Variants in KANSL1L observed in about 807,000 individuals in gnomAD.
The protein encoded by KANSL1L is KAT8 regulatory NSL complex subunit 1 like, also known as KAT8 regulatory NSL complex subunit 1-like protein.
In KANSL1L, 25 loss-of-function variants were observed where a neutral mutation model predicts 108.6. The ratio of observed to expected loss-of-function variants is 0.23; its 90% CI spans 0.17 to 0.32. The LOEUF is 0.32. Ranked by LOEUF, KANSL1L falls within the 10% of genes least tolerant of loss-of-function variation. The pLI, the probability that KANSL1L is intolerant of heterozygous loss-of-function variation, is 1.00. For synonymous variants in KANSL1L, 405 were observed against 395.1 expected (o/e 1.03, Z -0.30); for missense variants, 1,137 against 1,125.7 (o/e 1.01, Z -0.14).
chr2:210,087,033 ATTTTT>A (rs1331094418), intron 5 of KANSL1L, among the ~76,000 whole-genome samples: 6 of 145,510 alleles, frequency 4.1e-5, no homozygotes, highest in South Asian at 2.2e-4. Context: ...TTTTTATTTT[ATTTTT>A]TTTTTTTTGA....
At chr2:210,037,327 A>G (rs2094117177) in intron 8 of KANSL1L, among the ~76,000 whole-genome samples, 2 of 152,188 alleles carry the variant, frequency 1.3e-5, no homozygotes, top group Non-Finnish European at 2.9e-5. Context: ...CATGATACTT[A>G]TCATCATAAT....
intron 5 of KANSL1L, among the ~76,000 whole-genome samples, chr2:210,093,815 G>A (rs2094712953): frequency 6.6e-6 from 1 of 151,952 alleles, no homozygotes; most frequent in Admixed American, 6.6e-5. Context: ...AATAGCCAAG[G>A]GACAGAAGCA....
chr2:210,151,072 AG>A (rs1484153760), intron 2 of KANSL1L, among the ~76,000 whole-genome samples: 1 of 152,032 alleles, frequency 6.6e-6, no homozygotes, highest in East Asian at 1.9e-4. Flanking sequence ...CTGGAGTGCA[AG>A]GGGGTGATAC....
chr2:210,116,105 C>A (rs1369182387), intron 3 of KANSL1L, among the ~76,000 whole-genome samples: 1 of 152,210 alleles, frequency 6.6e-6, no homozygotes, highest in East Asian at 1.9e-4. Context: ...CAAAAGCTGA[C>A]TGAAGAAGCC....
At chr2:210,093,348 G>A (rs374723189) in intron 5 of KANSL1L, among the ~76,000 whole-genome samples, 3 of 152,148 alleles carry the variant, frequency 2.0e-5, no homozygotes, top group African/African-American at 7.2e-5. Context: ...GTTTTGCCAC[G>A]TTGGCCAGGC....
chr2:210,076,731 T>C (rs993319137), intron 5 of KANSL1L, among the ~76,000 whole-genome samples: 1 of 151,714 alleles, frequency 6.6e-6, no homozygotes, highest in Non-Finnish European at 1.5e-5. Flanking sequence ...TATCAGAACA[T>C]CAGGAGGATG....
At chr2:210,098,677 G>A (rs1244582115) in intron 4 of KANSL1L, among the ~76,000 whole-genome samples, 2 of 151,968 alleles carry the variant, frequency 1.3e-5, no homozygotes, top group Non-Finnish European at 2.9e-5. Context: ...GAACAGATGA[G>A]TAAATTCTAG....
At chr2:210,112,580 G>A (rs1264713154) in intron 3 of KANSL1L, among the ~76,000 whole-genome samples, 1 of 152,084 alleles carries the variant, frequency 6.6e-6, no homozygotes, top group African/African-American at 2.4e-5. Context: ...AGACCCAAAT[G>A]TCAAAAACTC....
intron 3 of KANSL1L, among the ~76,000 whole-genome samples, chr2:210,125,482 C>T (rs1233886070): frequency 6.6e-6 from 1 of 152,164 alleles, no homozygotes; most frequent in Non-Finnish European, 1.5e-5. Context: ...CCAGCATTAT[C>T]CTGATGCCAA....
rs916913840 is a variant in KANSL1L, at chr2:210,053,134, T to A, written c.1756-9030A>T. ...GAACTATAGCCATTTAAATGCAATG[T>A]GTATAATGCTTTTATCAGGTAACTT... On this transcript the variant is annotated intron_variant, in intron 6 of 14. Transcript: ENST00000281772. Among the ~76,000 whole-genome samples, 4 of 152,346 alleles carry A rather than the reference T, an allele frequency of 2.6e-5. No individual in the cohort carries two copies. In the Middle Eastern group the frequency reaches 0.014, roughly 518 times the overall value.
intron 6 of KANSL1L, among the ~76,000 whole-genome samples, chr2:210,056,315 A>G (rs2094349926): frequency 1.3e-5 from 2 of 152,216 alleles, no homozygotes; most frequent in South Asian, 4.1e-4. Context: ...CCCGCTGCAA[A>G]TTGCACTGTA....
intron 13 of KANSL1L, 39 bp downstream of exon 13, chr2:210,025,065 A>G (rs760148431): frequency 6.2e-6 from 8 of 1,285,948 alleles, no homozygotes; most frequent in Non-Finnish European, 7.9e-6. Flanking sequence ...TTCATTTCAC[A>G]TGGATTCTAT....
intron 2 of KANSL1L, among the ~76,000 whole-genome samples, chr2:210,137,200 C>G (rs2095181514): frequency 6.6e-6 from 1 of 152,120 alleles, no homozygotes; most frequent in Non-Finnish European, 1.5e-5. Context: ...CTTTTTAACA[C>G]AAGCAAAATA....
At chr2:210,083,434 A>G (rs947357802) in intron 5 of KANSL1L, among the ~76,000 whole-genome samples, 2 of 152,112 alleles carry the variant, frequency 1.3e-5, no homozygotes, top group African/African-American at 2.4e-5. Context: ...AATTCAACCT[A>G]TTGTAACTAA....
intron 12 of KANSL1L, 75 bp downstream of exon 12, chr2:210,027,220 GT>G (rs1174799106): frequency 4.2e-6 from 4 of 958,384 alleles, no homozygotes; most frequent in Admixed American, 1.8e-5. Context: ...TATTCCTTTA[GT>G]TCCCTGAATG....
intron 2 of KANSL1L, 119 bp from the exon 3 acceptor site, chr2:210,129,291 T>A: frequency 1.3e-6 from 1 of 753,724 alleles, no homozygotes; most frequent in Non-Finnish European, 2.0e-6. Flanking sequence ...CAACATGTAA[T>A]TACAGGAAGA....
intron 2 of KANSL1L, chr2:210,151,763 A>C (rs545146238): frequency 6.6e-6 from 1 of 152,338 alleles, no homozygotes; most frequent in African/African-American, 2.4e-5. Flanking sequence ...AGCCAGAAAA[A>C]TAATCTGCGC....
chr2:210,122,647 CA>C (rs1220676654), intron 3 of KANSL1L, among the ~76,000 whole-genome samples: 1 of 152,090 alleles, frequency 6.6e-6, no homozygotes, highest in Non-Finnish European at 1.5e-5. Flanking sequence ...ACCCCACAAG[CA>C]CAGGCAACCA....
At position 210,024,108 on chromosome 2, in the gene KANSL1L, A is replaced by G; in HGVS notation, c.2658T>C (p.Pro886=). 1 of 1,609,714 alleles carries G rather than the reference A, an allele frequency of 6.2e-7. No individual in the cohort carries two copies. The highest frequency in any genetic ancestry group is 8.5e-7 in the Non-Finnish European group (1 of 1,177,696). ...SSSQQCAAAS[P]PGLPSENQDL... is the part of the protein sequence containing the mutation. ...CCTGGTTCTCTGAAGGAAGCCCAGGAGGACTTGCAGCAGCACATTGCTGAC... is the reference window on the plus strand; with the variant it reads ...CCTGGTTCTCTGAAGGAAGCCCAGGGGGACTTGCAGCAGCACATTGCTGAC... The change falls in exon 14 of 15, where the codon CCT becomes CCC. Residue 886 remains proline (P), a synonymous_variant. Transcript: ENST00000281772.
Sources: allele counts gnomAD v4.1 joint callset (sites outside exome capture counted in the v4.1 genomes callset), GRCh38; gene constraint gnomAD v4.1.1; transcripts MANE v1.5; gene names NCBI Gene and HGNC (gene_info 2026-07-23, HGNC 2026-07-21).